Variants in STAT4 observed in about 807,000 individuals in gnomAD.
The protein encoded by STAT4 is signal transducer and activator of transcription 4.
STAT4 carries 42 observed loss-of-function variants against 110.5 expected under a neutral mutation model. The observed-to-expected ratio is 0.38, with a 90% CI of 0.30 to 0.49. The LOEUF is 0.49. STAT4 is among the 20% of genes least tolerant of loss of function. The probability of loss-of-function intolerance (pLI) is 0.95; values close to 1 mark genes in which losing one functional copy is unlikely to be tolerated. For missense variants in STAT4, 632 were observed against 887.9 expected (o/e 0.71, Z 3.66); for synonymous variants, 284 against 302.2 (o/e 0.94, Z 0.63).
rs558649568 is a variant in STAT4 at position 191,077,799 on chromosome 2, A to G, written c.274-1474T>C. Among the ~76,000 whole-genome samples the G allele has an allele frequency of 6.6e-6, 1 of 152,230 alleles. No individual in the cohort carries two copies. The highest frequency in any genetic ancestry group is 2.4e-5 in the African/African-American group (1 of 41,576). Reference sequence around the variant, plus strand: ...ACTATCTGAATTCCTGCTCTTACATATTTTACAGTCTTCCAAACTCTTTCT... The same window carrying G: ...ACTATCTGAATTCCTGCTCTTACATGTTTTACAGTCTTCCAAACTCTTTCT... On this transcript the variant is annotated intron_variant, in intron 3 of 23. Coordinates refer to ENST00000392320, the MANE Select transcript of STAT4 (RefSeq NM_003151.4). This position sits in a 1 kb window ranked among gnomAD's most constrained non-coding sequence, Gnocchi z 4.1.
rs1696785409 is a variant in STAT4, at chr2:191,059,270, T to C, written c.1035-501A>G. ...TACATTTGAAACACTTTCAAAACAC[T>C]ATATTTAAGTAACAGCAAAAACGTT... On this transcript the variant is annotated intron_variant, in intron 10 of 23. Coordinates refer to ENST00000392320, the MANE Select transcript of STAT4 (RefSeq NM_003151.4). This position sits in a 1 kb window ranked among gnomAD's most constrained non-coding sequence, Gnocchi z 4.7. Among the ~76,000 whole-genome samples, 2 of 152,188 alleles carry C rather than the reference T, an allele frequency of 1.3e-5. No individual in the cohort carries two copies. The highest frequency in any genetic ancestry group is 1.5e-5 in the Non-Finnish European group (1 of 68,034).
At position 191,034,571 on chromosome 2, in the gene STAT4, G is replaced by A. The variant is rs767596903; in HGVS notation, c.1597C>T (p.Leu533Phe). Reference sequence around the variant, plus strand: ...ACCTTGCAGAACTTGGCCCAGGTGAGGTGACCATCACTGTAGCTAGATTGG... The same window carrying A: ...ACCTTGCAGAACTTGGCCCAGGTGAAGTGACCATCACTGTAGCTAGATTGG... The part of the protein sequence containing the change: ...TVQSSYSDGH[L>F]TWAKFCKEHL... The change falls in exon 18 of 24, where the codon CTC becomes TTC. Residue 533 changes from leucine to phenylalanine, a missense_variant. Physicochemically the swap from Leu to Phe is conservative, Grantham distance 22. Transcript: ENST00000392320. 1.9e-6 allele frequency: 3 copies of A among 1,613,718 alleles called. No individual in the cohort carries two copies. The highest frequency in any genetic ancestry group is 1.3e-5 in the African/African-American group (1 of 75,006).
At chr2:191,076,059 G>A in intron 4 of STAT4, 168 bp downstream of exon 4, 1 of 552,650 alleles carries the variant, frequency 1.8e-6, no homozygotes, top group South Asian at 2.6e-5. Context: ...TTGCTGCATT[G>A]GCCAGACTGG....
chr2:191,120,242 A>C (rs1698682133), intron 3 of STAT4, among the ~76,000 whole-genome samples: 1 of 152,212 alleles, frequency 6.6e-6, no homozygotes, highest in Middle Eastern at 3.2e-3. Flanking sequence ...CACCATGTAG[A>C]GGAGACTGAA....
rs540320153 is a variant in STAT4 at position 191,058,337 on chromosome 2, G to A, written c.1095-118C>T. On this transcript the variant is annotated intron_variant, in intron 11 of 23. Transcript: ENST00000392320. This position sits in a 1 kb window ranked among gnomAD's most constrained non-coding sequence, Gnocchi z 4.3. The stretch of plus-strand genomic sequence containing the variant: ...TTTTGAGACAGAGTCTCGCTCTGTC[G>A]TCCAGGCTGGAGTGCAGTGGTGCAA... 1.9e-5 allele frequency: 22 copies of A among 1,146,026 alleles called. No homozygotes were observed. The highest frequency in any genetic ancestry group is 3.0e-4 in the Middle Eastern group (1 of 3,334). The allele number at this position is 1,146,026 out of a possible 1,614,324, so 71.0% of individuals were successfully genotyped here.
rs747982814 is a variant in STAT4 at position 191,062,128 on chromosome 2, C to A, written c.942-307G>T. 2.0e-5 allele frequency among the ~76,000 whole-genome samples: 3 copies of A among 152,186 alleles called. No individual in the cohort carries two copies. The highest frequency in any genetic ancestry group is 6.5e-5 in the Admixed American group (1 of 15,284). On this transcript the variant is annotated intron_variant, in intron 9 of 23. Transcript: ENST00000392320. This position sits in a 1 kb window ranked among gnomAD's most constrained non-coding sequence, Gnocchi z 4.9. ...GAAGTGCAGTGGCACGATCATAGCT[C>A]ACTGCAGTCTCAACCTCCTGAGCTC...
rs1475650022 is a variant in STAT4 at position 191,110,931 on chromosome 2, G to A, written c.274-34606C>T. On this transcript the variant is annotated intron_variant, in intron 3 of 23. Coordinates refer to ENST00000392320, the MANE Select transcript of STAT4 (RefSeq NM_003151.4). This position sits in a 1 kb window ranked among gnomAD's most constrained non-coding sequence, Gnocchi z 4.5. ...CCTGAGTTGCCGGGATTACAGGTGG[G>A]TGACACCAGGCCCAGCGAATTTTTC... Among the ~76,000 whole-genome samples the A allele has an allele frequency of 3.9e-5, 6 of 151,976 alleles. No individual in the cohort carries two copies. Among genetic ancestry groups the A allele is most frequent in the Non-Finnish European group, 5.9e-5 (4 of 67,988 alleles).
At chr2:191,045,249 T>C (rs143719047) in intron 14 of STAT4, among the ~76,000 whole-genome samples, 21 of 152,324 alleles carry the variant, frequency 1.4e-4, no homozygotes, top group African/African-American at 5.1e-4. Flanking sequence ...TAGTCCCTGA[T>C]GAAATTTTAT....
intron 3 of STAT4, among the ~76,000 whole-genome samples, chr2:191,084,705 G>A (rs1180108843): frequency 6.6e-6 from 1 of 152,012 alleles, no homozygotes; most frequent in Non-Finnish European, 1.5e-5. Flanking sequence ...ATGTGAGCAA[G>A]TTAGCTAAAT....
intron 14 of STAT4, among the ~76,000 whole-genome samples, chr2:191,047,001 T>C (rs1010328999): frequency 4.6e-5 from 7 of 152,192 alleles, no homozygotes; most frequent in Non-Finnish European, 7.4e-5. Flanking sequence ...CCCCACTCCC[T>C]GACCTCTGGG....
In STAT4 at chr2:191,029,732, G is replaced by T; in HGVS notation, c.*108C>A. 1 of 1,021,486 alleles carries T rather than the reference G, an allele frequency of 9.8e-7. No homozygotes were observed. Among genetic ancestry groups the T allele is most frequent in the Non-Finnish European group, 1.5e-6 (1 of 673,402 alleles). 63.3% of individuals were successfully genotyped at this position (1,021,486 alleles called of 1,614,324 possible). A position where few individuals can be genotyped will look rare whatever the true frequency, so the allele number is the denominator to read the frequency against. On this transcript the variant is annotated 3_prime_UTR_variant, in exon 24 of 24. Transcript: ENST00000392320. The surrounding 1 kb of genome is among the most constrained non-coding windows in gnomAD (Gnocchi z 4.5). ...AGCTTCAGATGTCAAACATTTCCTA[G>T]AACCTGGTATTTACAAAGCTGAAGA... is the stretch of plus-strand genomic sequence containing the variant.
At chr2:191,145,802 G>T (rs568150795) in intron 3 of STAT4, among the ~76,000 whole-genome samples, 1 of 152,242 alleles carries the variant, frequency 6.6e-6, no homozygotes, top group African/African-American at 2.4e-5. Context: ...TATTTAATAC[G>T]TTGTATGCAC....
At position 191,140,430 on chromosome 2, in the gene STAT4, G is replaced by T. The variant is rs1699291016; in HGVS notation, c.273+6183C>A. ...TAATAATAATCCCATCAAAAAGCGGGCAAAGGACTTGAATACACAATTCTC... is the reference window on the plus strand; with the variant it reads ...TAATAATAATCCCATCAAAAAGCGGTCAAAGGACTTGAATACACAATTCTC... On this transcript the variant is annotated intron_variant, in intron 3 of 23. Coordinates refer to ENST00000392320, the MANE Select transcript of STAT4 (RefSeq NM_003151.4). This position sits in a 1 kb window ranked among gnomAD's most constrained non-coding sequence, Gnocchi z 4.4. Among the ~76,000 whole-genome samples, 1 of 152,104 alleles carries T rather than the reference G, an allele frequency of 6.6e-6. No individual in the cohort carries two copies. Among genetic ancestry groups the T allele is most frequent in the African/African-American group, 2.4e-5 (1 of 41,430 alleles).
At position 191,069,568 on chromosome 2, in the gene STAT4, C is replaced by T. The variant is rs953358035; in HGVS notation, c.544+125G>A. ...AAGGAAGAAGCAAAACAAGAAAATA[C>T]TCCCTGTATTTCCCTAGGCTCACCT... On this transcript the variant is annotated intron_variant, in intron 6 of 23. Transcript: ENST00000392320. The T allele has an allele frequency of 3.9e-5, 28 of 717,872 alleles. 1 individual carries two copies. The Admixed American group carries it at 5.7e-4, about 15-fold the overall frequency. The allele number at this position is 717,872 out of a possible 1,614,324, so 44.5% of individuals were successfully genotyped here. A position where few individuals can be genotyped will look rare whatever the true frequency, so the allele number is the denominator to read the frequency against.
At chr2:191,128,856 A>G (rs185517444) in intron 3 of STAT4, among the ~76,000 whole-genome samples, 1 of 152,318 alleles carries the variant, frequency 6.6e-6, no homozygotes, top group Non-Finnish European at 1.5e-5. Context: ...TATTTTTCTA[A>G]TATCAGACAA....
At position 191,113,400 on chromosome 2, in the gene STAT4, C is replaced by A. The variant is rs1295020436; in HGVS notation, c.273+33213G>T. ...GCTCCAACAGGGTTATAGTTCAGAG[C>A]TTGGGACACAGGAGAAAGCACTTTT... is the stretch of plus-strand genomic sequence containing the variant. On this transcript the variant is annotated intron_variant, in intron 3 of 23. Transcript: ENST00000392320. The surrounding 1 kb of genome is among the most constrained non-coding windows in gnomAD (Gnocchi z 4.8). Among the ~76,000 whole-genome samples, 2 of 152,154 alleles carry A rather than the reference C, an allele frequency of 1.3e-5. No homozygotes were observed.
intron 3 of STAT4, among the ~76,000 whole-genome samples, chr2:191,101,053 T>C (rs1698137562): frequency 6.6e-6 from 1 of 152,262 alleles, no homozygotes; most frequent in African/African-American, 2.4e-5. Context: ...ATCTCTACCC[T>C]GCCTTTCTCT....
chr2:191,065,077 T>C lies in STAT4; in HGVS notation c.631-119A>G. On this transcript the variant is annotated intron_variant, in intron 7 of 23. Transcript: ENST00000392320. Reference sequence around the variant, plus strand: ...TTGGTTAAAATTTTGACCAAATATTTTACTAAATGCTAGCTTCTATTTGCC... The same window carrying C: ...TTGGTTAAAATTTTGACCAAATATTCTACTAAATGCTAGCTTCTATTTGCC... 5 of 1,088,148 alleles carry C rather than the reference T, an allele frequency of 4.6e-6. No individual in the cohort carries two copies. In the South Asian group the frequency reaches 9.6e-5, roughly 21 times the overall value. 67.4% of individuals were successfully genotyped at this position (1,088,148 alleles called of 1,614,324 possible).
At position 191,060,210 on chromosome 2, in the gene STAT4, T is replaced by C. The variant is rs909364000; in HGVS notation, c.1035-1441A>G. Among the ~76,000 whole-genome samples, 23 of 152,180 alleles carry C rather than the reference T, an allele frequency of 1.5e-4. No individual in the cohort carries two copies. Among genetic ancestry groups the C allele is most frequent in the African/African-American group, 5.5e-4 (23 of 41,512 alleles). The stretch of plus-strand genomic sequence containing the variant: ...TTCAGAGTGCCTCTTCCACTTAGAA[T>C]TTTTTTGCTAGGCAATCCCTACTCA... On this transcript the variant is annotated intron_variant, in intron 10 of 23. Transcript: ENST00000392320. This position sits in a 1 kb window ranked among gnomAD's most constrained non-coding sequence, Gnocchi z 4.5.
Sources: gnomAD v4.1 joint callset for allele counts (sites outside exome capture counted in the v4.1 genomes callset) on GRCh38, gnomAD v4.1.1 for gene constraint, Gnocchi (gnomAD v3.1) non-coding constraint, MANE v1.5 for transcripts, NCBI Gene and HGNC (gene_info 2026-07-23, HGNC 2026-07-21) for gene names.